The following KALRN variants were observed in gnomAD, a reference collection of about 807,000 sequenced individuals.
KALRN encodes the protein kalirin RhoGEF kinase, also known as kalirin.
A neutral mutation model predicts 353.7 loss-of-function variants in KALRN; 70 were observed. That is an observed-to-expected ratio of 0.20 (90% CI 0.16 to 0.24). The LOEUF is 0.24. KALRN is among the 10% of genes least tolerant of loss of function. The pLI, the probability that KALRN is intolerant of heterozygous loss-of-function variation, is 1.00. For missense variants in KALRN, 2,791 were observed against 3,756.7 expected (o/e 0.74, Z 6.72); for synonymous variants, 1,391 against 1,434.8 (o/e 0.97, Z 0.69).
chr3:124,666,976 T>C (rs2289421), intron 46 of KALRN, 36 bp from the exon 47 acceptor site: 42,043 of 1,563,144 alleles, frequency 0.027, 770 homozygotes, highest in East Asian at 0.093. Context: ...TAAAAAATCT[T>C]TTAAATGTAA....
rs1374408495 is a variant in KALRN, at chr3:124,479,806, C to T, written c.4191+2472C>T. 3.3e-5 allele frequency among the ~76,000 whole-genome samples: 5 copies of T among 149,674 alleles called. No individual in the cohort carries two copies. In the East Asian group the frequency reaches 9.8e-4, roughly 29 times the overall value. ...TGGCGCGATCTCGGCTCACTGCAAGCTCCGCCTCCTGGGTTCACGCCATTC... is the reference window on the plus strand; with the variant it reads ...TGGCGCGATCTCGGCTCACTGCAAGTTCCGCCTCCTGGGTTCACGCCATTC... On this transcript the variant is annotated intron_variant, in intron 27 of 59. Transcript: ENST00000682506.
chr3:124,104,813 A>G (rs942231815), intron 1 of KALRN, among the ~76,000 whole-genome samples: 5 of 152,210 alleles, frequency 3.3e-5, no homozygotes, highest in Admixed American at 6.5e-5. Flanking sequence ...TCTTCTCGGA[A>G]TATCTGATAG....
At chr3:124,667,255 A>G in intron 47 of KALRN, 72 bp downstream of exon 47, 1 of 1,368,666 alleles carries the variant, frequency 7.3e-7, no homozygotes, top group Non-Finnish European at 1.0e-6. Context: ...CCTTGGGTCT[A>G]GGTTCATGTT....
At chr3:124,625,501 C>T (rs1294542574) in intron 34 of KALRN, among the ~76,000 whole-genome samples, 1 of 151,780 alleles carries the variant, frequency 6.6e-6, no homozygotes, top group African/African-American at 2.4e-5. Flanking sequence ...CAGGAGGATC[C>T]CTTGAGCTCA....
In KALRN at chr3:124,634,218, A is replaced by ATTCCAAAGCC. The variant is rs764391525; in HGVS notation, c.5568+265_5568+266insTTCCAAAGCC. On this transcript the variant is annotated intron_variant, in intron 36 of 59. Transcript: ENST00000682506. ...GTGTCTTGTCCTGTTGATAAAGGGT[A>ATTCCAAAGCC]ATGGCTCTGTCTTTGGAAGCAGCAC... Among the ~76,000 whole-genome samples the ATTCCAAAGCC allele has an allele frequency of 1.1e-3, 171 of 152,220 alleles. 1 individual carries two copies. The highest frequency in any genetic ancestry group is 2.1e-3 in the Non-Finnish European group (144 of 68,008).
At chr3:124,477,525 C>T (rs964920560) in intron 27 of KALRN, among the ~76,000 whole-genome samples, 191 bp downstream of exon 27, 2 of 152,166 alleles carry the variant, frequency 1.3e-5, no homozygotes, top group African/African-American at 2.4e-5. Context: ...CCTATCTTGA[C>T]CAAAGTGATT....
At chr3:124,494,408 G>A (rs979838407) in intron 32 of KALRN, among the ~76,000 whole-genome samples, 1 of 152,262 alleles carries the variant, frequency 6.6e-6, no homozygotes, top group Non-Finnish European at 1.5e-5. Context: ...CCCACCATGG[G>A]CCAGAATAGC....
intron 1 of KALRN, among the ~76,000 whole-genome samples, chr3:124,136,621 A>T (rs1314429297): frequency 6.6e-6 from 1 of 152,132 alleles, no homozygotes; most frequent in Admixed American, 6.5e-5. Flanking sequence ...AGGAGAGTAG[A>T]GTTTGTTGGC....
At chr3:124,717,468 C>CTT in intron 59 of KALRN, 83 bp downstream of exon 59, 2 of 921,754 alleles carry the variant, frequency 2.2e-6, no homozygotes, top group Non-Finnish European at 3.2e-6. Flanking sequence ...GGGCGGATCA[C>CTT]AAGGTCAGGA....
At chr3:124,629,169 T>A (rs72964663) in intron 34 of KALRN, among the ~76,000 whole-genome samples, 6,735 of 152,230 alleles carry the variant, frequency 0.044, 203 homozygotes, top group Middle Eastern at 0.078. Context: ...AAGATCATGG[T>A]GATGATGAGA....
In KALRN at chr3:124,430,663, G is replaced by T; in HGVS notation, c.2717G>T (p.Gly906Val). 6.2e-7 allele frequency: 1 copy of T among 1,614,152 alleles called. No individual in the cohort carries two copies. Among genetic ancestry groups the T allele is most frequent in the Non-Finnish European group, 8.5e-7 (1 of 1,179,970 alleles). ...CTTGTCCCGATTCCCTAGGTTCTGG[G>T]ATGGATCCGCAATGGAGAGTCAATG... ...HLQAEVKQVLGWIRNGESMLN... is the reference protein window; with the variant it reads ...HLQAEVKQVLVWIRNGESMLN... Residue 906 changes from glycine (G) to valine (V), a missense_variant, in exon 16 of 60, where the codon GGA (glycine) becomes GTA (valine). Transcript: ENST00000682506.
chr3:124,177,508 C>T (rs1378959036), intron 1 of KALRN, among the ~76,000 whole-genome samples: 1 of 152,144 alleles, frequency 6.6e-6, no homozygotes, highest in East Asian at 1.9e-4. Context: ...GGGAACCCAC[C>T]CTGAGGAAGC....
rs573561813 is a variant in KALRN, at chr3:124,611,700, A to G, written c.5183-20720A>G. Among the ~76,000 whole-genome samples, 14 of 152,316 alleles carry G rather than the reference A, an allele frequency of 9.2e-5. 1 individual carries two copies. The highest frequency in any genetic ancestry group is 2.6e-4 in the Admixed American group (4 of 15,306). The stretch of plus-strand genomic sequence containing the variant: ...AGTGGCTTCCCATTGCATTGGGGAT[A>G]AAGTCCAGCTTCCTGCTGTGCCCTG... On this transcript the variant is annotated intron_variant, in intron 34 of 59. Transcript: ENST00000682506.
In KALRN at chr3:124,697,646, G is replaced by A. The variant is rs373744782; in HGVS notation, c.7753G>A (p.Val2585Met). 1.7e-5 allele frequency: 28 copies of A among 1,610,848 alleles called. No homozygotes were observed. The highest frequency in any genetic ancestry group is 1.7e-4 in the Admixed American group (10 of 59,732). The change falls in exon 55 of 60, where the codon GTG (valine) becomes ATG (methionine). Residue 2585 changes from valine (V) to methionine (M), a missense_variant. This residue lies in a region of KALRN where 1,065 missense variants were observed against 1,156.4 expected (regional missense o/e 0.92). Transcript: ENST00000682506. ...PIAQERSCTSVILRWLPPSST... is the reference protein window; with the variant it reads ...PIAQERSCTSMILRWLPPSST... ...TGCCCAGGAGAGAAGCTGCACCTCC[G>A]TGATTCTCCGCTGGCTGCCCCCCTC... is the stretch of plus-strand genomic sequence containing the variant.
rs139525553 is a variant in KALRN, at chr3:124,313,423, C to T, written c.1093-12557C>T. ...CTTATCAATCAAGTTGAACAGGATA[C>T]AGTGTTTGTATCTCCACAGACAGCC... On this transcript the variant is annotated intron_variant, in intron 6 of 59. Coordinates refer to ENST00000682506, the MANE Select transcript of KALRN (RefSeq NM_001388419.1). Among the ~76,000 whole-genome samples the T allele has an allele frequency of 9.1e-4, 138 of 152,332 alleles. 4 individuals are homozygous for T. The South Asian group carries it at 0.021, about 23-fold the overall frequency.
At chr3:124,116,578 G>A (rs2063480756) in intron 1 of KALRN, among the ~76,000 whole-genome samples, 1 of 152,158 alleles carries the variant, frequency 6.6e-6, no homozygotes, top group South Asian at 2.1e-4. Flanking sequence ...AAATGATGAT[G>A]AGAATATAGT....
At chr3:124,308,422 A>G (rs1400578306) in intron 6 of KALRN, among the ~76,000 whole-genome samples, 2 of 152,018 alleles carry the variant, frequency 1.3e-5, no homozygotes, top group East Asian at 3.9e-4. Flanking sequence ...TCCTAGGTCA[A>G]AAAACAAACC....
chr3:124,488,137 T>C, intron 28 of KALRN, 67 bp from the exon 29 acceptor site: 1 of 912,614 alleles, frequency 1.1e-6, no homozygotes, highest in East Asian at 2.4e-5. Context: ...ATTTCCTTGC[T>C]GGGTTAGGTG....
intron 1 of KALRN, among the ~76,000 whole-genome samples, chr3:124,093,175 C>A (rs2061227189): frequency 6.6e-6 from 1 of 152,168 alleles, no homozygotes. Context: ...CTGGACGTGC[C>A]TCCTCCCCAG....
Sources: gnomAD v4.1 joint callset for allele counts (sites outside exome capture counted in the v4.1 genomes callset) on GRCh38, gnomAD v4.1.1 for gene constraint, gnomAD v4.1.1 regional missense constraint, MANE v1.5 for transcripts, NCBI Gene and HGNC (gene_info 2026-07-23, HGNC 2026-07-21) for gene names.